MGAT5: variants seen among roughly 807,000 people sequenced by gnomAD.
The protein encoded by MGAT5 is alpha-1,6-mannosylglycoprotein 6-beta-N-acetylglucosaminyltransferase, also known as alpha-1,6-mannosylglycoprotein 6-beta-N-acetylglucosaminyltransferase A.
In MGAT5, 30 loss-of-function variants were observed where a neutral mutation model predicts 94.3. The ratio of observed to expected loss-of-function variants is 0.32; its 90% confidence interval spans 0.24 to 0.43. The LOEUF is 0.43. Ranked by LOEUF, MGAT5 falls within the 20% of genes least tolerant of loss-of-function variation. The pLI is 1.00. For synonymous variants in MGAT5, 310 were observed against 322.9 expected, an observed-to-expected ratio of 0.96 and a Z score of 0.43; for missense variants, 691 against 905.5, an observed-to-expected ratio of 0.76 and a Z score of 3.04.
chr2:134,386,850 A>C (rs1682010564), intron 10 of MGAT5, among the ~76,000 whole-genome samples: 1 of 152,262 alleles, frequency 6.6e-6, no homozygotes, highest in Non-Finnish European at 1.5e-5. Context: ...CTATATGCTT[A>C]GGAAATATGT....
chr2:134,307,554 A>G (rs1369937195), intron 2 of MGAT5, among the ~76,000 whole-genome samples: 2 of 152,036 alleles, frequency 1.3e-5, no homozygotes, highest in Admixed American at 6.6e-5. Context: ...TAACAGTGAT[A>G]AATTATGTTC....
At position 134,176,149 on chromosome 2, in the gene MGAT5, G is replaced by A. The variant is rs142201585; in HGVS notation, c.-143+55858G>A. The stretch of plus-strand genomic sequence containing the variant: ...GTACCACCTTGAGAGGAAGGCTGAA[G>A]GGGGTTGCTGGGCCAGAACATGGAG... On this transcript the variant is annotated intron_variant, in intron 1 of 16. Transcript: ENST00000409645. Among the ~76,000 whole-genome samples, 847 of 152,262 alleles carry A rather than the reference G, an allele frequency of 5.6e-3. 8 individuals carry two copies. Among genetic ancestry groups the A allele is most frequent in the African/African-American group, 0.019 (802 of 41,536 alleles).
intron 10 of MGAT5, among the ~76,000 whole-genome samples, chr2:134,398,635 T>G (rs1483567983): frequency 6.6e-6 from 1 of 152,230 alleles, no homozygotes; most frequent in African/African-American, 2.4e-5. Flanking sequence ...ATCCCCATGT[T>G]TATTGCAGCA....
chr2:134,141,861 T>C (rs58872203), intron 1 of MGAT5, among the ~76,000 whole-genome samples: 52,866 of 152,082 alleles, frequency 0.35, 10,106 homozygotes, highest in East Asian at 0.54. Flanking sequence ...AGCCTTCCTT[T>C]GGAATGCATT....
chr2:134,290,855 C>T (rs1685304520), intron 2 of MGAT5, among the ~76,000 whole-genome samples: 1 of 152,250 alleles, frequency 6.6e-6, no homozygotes, highest in African/African-American at 2.4e-5. Flanking sequence ...TCAGATGAGC[C>T]ATGCAGAGGG....
intron 8 of MGAT5, among the ~76,000 whole-genome samples, chr2:134,347,118 G>A (rs1212602112): frequency 6.6e-6 from 1 of 152,108 alleles, no homozygotes; most frequent in Non-Finnish European, 1.5e-5. Flanking sequence ...AATATTAGCA[G>A]CACATTATAA....
chr2:134,144,493 G>A (rs1440499667), intron 1 of MGAT5, among the ~76,000 whole-genome samples: 1 of 152,048 alleles, frequency 6.6e-6, no homozygotes, highest in Admixed American at 6.5e-5. Flanking sequence ...CTCCCACCAG[G>A]CCCCACCTCC....
chr2:134,310,032 A>G (rs1177641353), intron 2 of MGAT5, among the ~76,000 whole-genome samples: 1 of 152,136 alleles, frequency 6.6e-6, no homozygotes, highest in East Asian at 1.9e-4. Context: ...CATTAGTTCT[A>G]TTCTTGAAAA....
At chr2:134,256,545 G>A (rs2460382) in intron 1 of MGAT5, among the ~76,000 whole-genome samples, 116,094 of 151,846 alleles carry the variant, frequency 0.76, 44,520 homozygotes, top group African/African-American at 0.8. Flanking sequence ...GTGTATTGAT[G>A]AAAATCTCAT....
chr2:134,401,965 A>C (rs910948262), intron 10 of MGAT5, among the ~76,000 whole-genome samples: 5 of 152,094 alleles, frequency 3.3e-5, no homozygotes, highest in Non-Finnish European at 7.4e-5. Context: ...GCTTCCCTGC[A>C]CTCTGTGGCT....
At chr2:134,443,472 G>A (rs563829776) in intron 15 of MGAT5, among the ~76,000 whole-genome samples, 2 of 152,204 alleles carry the variant, frequency 1.3e-5, no homozygotes, top group Non-Finnish European at 2.9e-5. Context: ...TATTACAGGC[G>A]TGAGCCATCG....
chr2:134,237,042 G>A (rs151111202), intron 1 of MGAT5, among the ~76,000 whole-genome samples: 1 of 152,148 alleles, frequency 6.6e-6, no homozygotes, highest in East Asian at 1.9e-4. Flanking sequence ...TAACAAATGT[G>A]CTAGTAATCT....
At chr2:134,400,014 G>A (rs908448889) in intron 10 of MGAT5, among the ~76,000 whole-genome samples, 1 of 152,182 alleles carries the variant, frequency 6.6e-6, no homozygotes, top group Non-Finnish European at 1.5e-5. Flanking sequence ...GGGATCCTTT[G>A]AGCCCCTTGA....
intron 2 of MGAT5, among the ~76,000 whole-genome samples, chr2:134,300,390 C>A (rs1685942853): frequency 6.6e-6 from 1 of 152,112 alleles, no homozygotes; most frequent in African/African-American, 2.4e-5. Context: ...TGCTGAATGT[C>A]TTGAGGGTGA....
chr2:134,228,632 G>A (rs1443608863), intron 1 of MGAT5, among the ~76,000 whole-genome samples: 1 of 152,176 alleles, frequency 6.6e-6, no homozygotes, highest in African/African-American at 2.4e-5. Flanking sequence ...CATTGCAGAA[G>A]GCAGAGAGTT....
chr2:134,387,328 A>ATTTTTTTTTT (rs1461083019), intron 10 of MGAT5, among the ~76,000 whole-genome samples: 1 of 40,294 alleles, frequency 2.5e-5, no homozygotes, highest in African/African-American at 1.4e-4. Context: ...ATATATATAT[A>ATTTTTTTTTT]TATATTTTTT....
intron 1 of MGAT5, among the ~76,000 whole-genome samples, chr2:134,237,123 A>ATGTATATGTGTATGTG (rs1553499217): frequency 7.1e-6 from 1 of 140,626 alleles, no homozygotes; most frequent in Non-Finnish European, 1.6e-5. Context: ...GAAGGAGTAT[A>ATGTATATGTGTATGTG]TGTGTGTGTG....
intron 1 of MGAT5, among the ~76,000 whole-genome samples, chr2:134,263,204 A>C (rs1683452154): frequency 6.6e-6 from 1 of 152,208 alleles, no homozygotes; most frequent in Admixed American, 6.5e-5. Flanking sequence ...TTCTATAAAA[A>C]AGGCTAAAAT....
intron 15 of MGAT5, among the ~76,000 whole-genome samples, chr2:134,445,516 G>A (rs1685725264): frequency 6.6e-6 from 1 of 152,186 alleles, no homozygotes; most frequent in South Asian, 2.1e-4. Context: ...ATCCTGTCCT[G>A]TGCATTATAG....
Sources: gnomAD v4.1 joint callset for allele counts (sites outside exome capture counted in the v4.1 genomes callset) on GRCh38, gnomAD v4.1.1 for gene constraint, MANE v1.5 for transcripts, NCBI Gene and HGNC (gene_info 2026-07-23, HGNC 2026-07-21) for gene names.